Variants in KATNAL2 observed in about 807,000 individuals in gnomAD.
The protein encoded by KATNAL2 is katanin p60 ATPase-containing subunit A-like 2.
Under a neutral mutation model 76.3 loss-of-function variants are expected in KATNAL2, and 52 were observed. That is an observed-to-expected ratio of 0.68 (90% CI 0.55 to 0.86). The LOEUF (loss-of-function observed/expected upper bound fraction) is 0.86, where lower values mean the gene tolerates loss of function less well. Ranked by LOEUF, KATNAL2 falls within the 40% of genes least tolerant of loss-of-function variation. The pLI, the probability that KATNAL2 is intolerant of heterozygous loss-of-function variation, is 0.00. For synonymous variants in KATNAL2, 243 were observed against 244.2 expected, an observed-to-expected ratio of 1.00 and a Z score of 0.05; for missense variants, 660 against 668.9, an observed-to-expected ratio of 0.99 and a Z score of 0.15.
At chr18:46,946,830 T>TAGG (rs1433533759) in intron 2 of KATNAL2, 24 bp from the exon 3 acceptor site, 1 of 1,530,044 alleles carries the variant, frequency 6.5e-7, no homozygotes, top group East Asian at 2.4e-5. Flanking sequence ...GCCCAGTAAC[T>TAGG]GACTACTTTT....
In KATNAL2 at chr18:46,947,508, C is replaced by T. The variant is rs558343546; in HGVS notation, c.51+585C>T. On this transcript the variant is annotated intron_variant, in intron 3 of 17. Coordinates refer to ENST00000683218, the MANE Select transcript of KATNAL2 (RefSeq NM_001387690.1). ...TATCACCTGCTACTGGCCAGCAATT[C>T]TTTCCACAGCGATGAACATGAATTG... Among the ~76,000 whole-genome samples the T allele has an allele frequency of 2.0e-5, 3 of 152,184 alleles. No homozygotes were observed. The East Asian group carries it at 5.8e-4, about 29-fold the overall frequency.
chr18:47,033,631 C>T (rs748014091), intron 3 of KATNAL2: 2 of 1,614,190 alleles, frequency 1.2e-6, no homozygotes, highest in Non-Finnish European at 8.5e-7. Context: ...TCCCACGTCG[C>T]TGAGGGCGTC....
intron 15 of KATNAL2, among the ~76,000 whole-genome samples, chr18:47,094,615 T>C (rs762430046): frequency 1.3e-5 from 2 of 152,208 alleles, no homozygotes; most frequent in Non-Finnish European, 2.9e-5. Flanking sequence ...GTGGGCTCCA[T>C]GTATTGAGAT....
Position 47,063,340 on chromosome 18 carries a change from A to T in KATNAL2, c.705A>T (p.Glu235Asp), listed in dbSNP as rs1360073339. The stretch of plus-strand genomic sequence containing the variant: ...TTGGCATGAACAGTGAGATGCGAGA[A>T]TTGGCAGCCGTGGTGAGCCGGGTAA... ...AFIGMNSEMR[E>D]LAAVVSRDIY... Residue 235 changes from glutamate to aspartate, a missense_variant, in exon 10 of 18, where the codon GAA (glutamate) becomes GAT (aspartate). Glu to Asp is a conservative substitution (Grantham distance 45). Transcript: ENST00000683218. 4 of 1,613,984 alleles carry T rather than the reference A, an allele frequency of 2.5e-6. No individual in the cohort carries two copies. The Admixed American group carries it at 6.7e-5, about 27-fold the overall frequency.
At chr18:47,074,476 T>C (rs1239673106) in intron 13 of KATNAL2, among the ~76,000 whole-genome samples, 1 of 152,162 alleles carries the variant, frequency 6.6e-6, no homozygotes, top group Non-Finnish European at 1.5e-5. Flanking sequence ...CTCCACTGTT[T>C]TTTCCCATCA....
chr18:46,943,694 T>C (rs879658418), intron 1 of KATNAL2, among the ~76,000 whole-genome samples: 1 of 152,250 alleles, frequency 6.6e-6, no homozygotes, highest in Non-Finnish European at 1.5e-5. Context: ...TTTACTTTCC[T>C]AATAAACTTG....
rs1191240589 is a variant in KATNAL2 at position 47,100,299 on chromosome 18, G to C, written c.1420G>C (p.Glu474Gln). 1 of 1,614,024 alleles carries C rather than the reference G, an allele frequency of 6.2e-7. No individual in the cohort carries two copies. Among genetic ancestry groups the C allele is most frequent in the Non-Finnish European group, 8.5e-7 (1 of 1,180,014 alleles). ...SGSDIKLVCR[E>Q]AAMRPVRKIF... Reference sequence around the variant, plus strand: ...CTCAGATATTAAGCTCGTCTGCAGGGAAGCAGCCATGCGGCCCGTGAGGAA... The same window carrying C: ...CTCAGATATTAAGCTCGTCTGCAGGCAAGCAGCCATGCGGCCCGTGAGGAA... The change falls in exon 17 of 18, where the codon GAA becomes CAA. Residue 474 changes from glutamate (E) to glutamine (Q), a missense_variant. Coordinates refer to ENST00000683218, the MANE Select transcript of KATNAL2 (RefSeq NM_001387690.1).
intron 3 of KATNAL2, among the ~76,000 whole-genome samples, chr18:46,958,331 G>A (rs534603173): frequency 2.0e-5 from 3 of 151,998 alleles, no homozygotes; most frequent in South Asian, 2.1e-4. Flanking sequence ...ATAATCACAT[G>A]AGCGTTATAA....
chr18:47,042,485 T>C (rs2060995996), intron 3 of KATNAL2, among the ~76,000 whole-genome samples: 1 of 152,174 alleles, frequency 6.6e-6, no homozygotes, highest in South Asian at 2.1e-4. Context: ...CTACTTACAT[T>C]GCAAATATTG....
chr18:47,083,970 C>T (rs2062648606), intron 15 of KATNAL2, among the ~76,000 whole-genome samples: 1 of 152,170 alleles, frequency 6.6e-6, no homozygotes, highest in Admixed American at 6.5e-5. Flanking sequence ...CCCAGCAACT[C>T]TCTTAAAAAT....
At chr18:47,091,226 A>T (rs914561798) in intron 15 of KATNAL2, 1 of 152,194 alleles carries the variant, frequency 6.6e-6, no homozygotes, top group Admixed American at 6.5e-5. Flanking sequence ...TTGAAGCAAG[A>T]TGTAAACCGT....
At chr18:46,937,053 T>G (rs1398783452) in intron 1 of KATNAL2, among the ~76,000 whole-genome samples, 2 of 152,166 alleles carry the variant, frequency 1.3e-5, no homozygotes, top group Non-Finnish European at 2.9e-5. Context: ...AAAAATCTGT[T>G]TTTCACTCAC....
At chr18:47,057,099 G>A (rs112587607) in intron 6 of KATNAL2, among the ~76,000 whole-genome samples, 6 of 152,234 alleles carry the variant, frequency 3.9e-5, no homozygotes, top group East Asian at 1.9e-4. Context: ...TGGTGTTATC[G>A]ACATGTGTGG....
intron 1 of KATNAL2, among the ~76,000 whole-genome samples, chr18:46,926,822 C>T (rs1171774872): frequency 6.6e-6 from 1 of 152,018 alleles, no homozygotes; most frequent in Non-Finnish European, 1.5e-5. Flanking sequence ...TTGAATTGAT[C>T]CCTTTACCAT....
intron 3 of KATNAL2, among the ~76,000 whole-genome samples, chr18:46,954,913 A>G (rs2059679243): frequency 2.0e-5 from 3 of 152,156 alleles, no homozygotes; most frequent in African/African-American, 7.2e-5. Flanking sequence ...TCGGCCTCCC[A>G]AAGTGCTGGG....
chr18:46,954,305 C>T (rs994373362), intron 3 of KATNAL2, among the ~76,000 whole-genome samples: 1 of 148,754 alleles, frequency 6.7e-6, no homozygotes, highest in African/African-American at 2.5e-5. Context: ...TTTTCTTCTC[C>T]TTCTTCTTCT....
intron 14 of KATNAL2, 124 bp downstream of exon 14, chr18:47,075,492 C>T: frequency 3.5e-6 from 2 of 574,944 alleles, no homozygotes; most frequent in Non-Finnish European, 5.5e-6. Context: ...AATAAGCCCA[C>T]AAATTTTCTG....
At chr18:46,946,805 T>C in intron 2 of KATNAL2, 49 bp from the exon 3 acceptor site, 1 of 1,482,018 alleles carries the variant, frequency 6.7e-7, no homozygotes, top group East Asian at 2.5e-5. Flanking sequence ...TCAGGTTCCT[T>C]GGATCGACCG....
intron 1 of KATNAL2, among the ~76,000 whole-genome samples, chr18:46,931,968 A>G (rs1050854355): frequency 2.0e-5 from 3 of 148,862 alleles, no homozygotes; most frequent in Non-Finnish European, 4.4e-5. Context: ...GCTGGAGTGC[A>G]CTGGCGATCT....
Sources: gnomAD v4.1 joint callset for allele counts (sites outside exome capture counted in the v4.1 genomes callset) on GRCh38, gnomAD v4.1.1 for gene constraint, MANE v1.5 for transcripts, NCBI Gene and HGNC (gene_info 2026-07-23, HGNC 2026-07-21) for gene names.